The following UNC13B variants were observed in gnomAD, a reference collection of about 807,000 sequenced individuals.
UNC13B encodes protein unc-13 homolog B.
In UNC13B, 144 loss-of-function variants were observed where a neutral mutation model predicts 211.0. The observed-to-expected ratio is 0.68, with a 90% CI of 0.60 to 0.78. The LOEUF is 0.78. Ranked by LOEUF, UNC13B falls within the 30% of genes least tolerant of loss-of-function variation. UNC13B has a pLI of 0.00. For synonymous variants in UNC13B, 709 were observed against 725.8 expected, an observed-to-expected ratio of 0.98 and a Z score of 0.37; for missense variants, 1,777 against 2,002.0, an observed-to-expected ratio of 0.89 and a Z score of 2.14.
intron 1 of UNC13B, among the ~76,000 whole-genome samples, chr9:35,184,767 AG>A (rs1822251100): frequency 8.2e-6 from 1 of 122,212 alleles, no homozygotes; most frequent in Non-Finnish European, 1.7e-5. Flanking sequence ...AAAGGAAGGA[AG>A]GAAGGAAGGA....
At position 35,210,084 on chromosome 9, in the gene UNC13B, A is replaced by AT. The variant is rs545937653; in HGVS notation, c.23-17922dup. Reference sequence around the variant, plus strand: ...ATAATACCCAGTTACTAAAAAAAAAATTTTTTTTTCCTTCTAGAAAGCATT... The same window carrying AT: ...ATAATACCCAGTTACTAAAAAAAAAATTTTTTTTTTCCTTCTAGAAAGCATT... On this transcript the variant is annotated intron_variant, in intron 1 of 39. Coordinates refer to ENST00000635942, the MANE Select transcript of UNC13B (RefSeq NM_001371189.2). Among the ~76,000 whole-genome samples the AT allele has an allele frequency of 8.0e-4, 122 of 151,684 alleles. 2 individuals are homozygous for AT. The South Asian group carries it at 0.019, about 24-fold the overall frequency.
intron 29 of UNC13B, 22 bp from the exon 30 acceptor site, chr9:35,397,613 C>A (rs750908429): frequency 9.3e-6 from 15 of 1,606,340 alleles, no homozygotes; most frequent in South Asian, 1.1e-5. Context: ...CTTTCCTTTT[C>A]TTTCCTTTCT....
intron 3 of UNC13B, among the ~76,000 whole-genome samples, chr9:35,234,783 C>T (rs1463942404): frequency 6.6e-6 from 1 of 152,158 alleles, no homozygotes; most frequent in African/African-American, 2.4e-5. Context: ...GACAAATTTT[C>T]TTTGCTTTAT....
chr9:35,327,864 C>T (rs1831108389), intron 11 of UNC13B, among the ~76,000 whole-genome samples: 1 of 152,178 alleles, frequency 6.6e-6, no homozygotes, highest in African/African-American at 2.4e-5. Flanking sequence ...TTCTGTTTCT[C>T]TAATATACGC....
chr9:35,254,186 G>C (rs1194759820), intron 6 of UNC13B, among the ~76,000 whole-genome samples: 1 of 152,186 alleles, frequency 6.6e-6, no homozygotes, highest in Admixed American at 6.5e-5. Context: ...ATATAGTTGA[G>C]TATTAGAAGG....
At chr9:35,255,032 AAT>A (rs1290730265) in intron 6 of UNC13B, among the ~76,000 whole-genome samples, 93 of 119,368 alleles carry the variant, frequency 7.8e-4, no homozygotes, top group Middle Eastern at 3.7e-3. Context: ...TATATAATAT[AAT>A]ATATATTATA....
At chr9:35,328,565 A>G (rs1299510590) in intron 11 of UNC13B, among the ~76,000 whole-genome samples, 1 of 151,702 alleles carries the variant, frequency 6.6e-6, no homozygotes, top group Non-Finnish European at 1.5e-5. Context: ...AAAGGAAAAA[A>G]CCAGAGTGCC....
At chr9:35,208,621 G>A (rs1823795916) in intron 1 of UNC13B, among the ~76,000 whole-genome samples, 1 of 152,140 alleles carries the variant, frequency 6.6e-6, no homozygotes, top group African/African-American at 2.4e-5. Context: ...AGCAAGAGTG[G>A]GGAGGTGCTA....
chr9:35,323,156 C>G (rs1830826512), intron 11 of UNC13B, among the ~76,000 whole-genome samples: 1 of 151,686 alleles, frequency 6.6e-6, no homozygotes, highest in Non-Finnish European at 1.5e-5. Flanking sequence ...TGCCCCAAAA[C>G]TTGTATGTGT....
chr9:35,203,405 T>C (rs980901300), intron 1 of UNC13B, among the ~76,000 whole-genome samples: 5 of 152,218 alleles, frequency 3.3e-5, no homozygotes, highest in African/African-American at 1.2e-4. Context: ...TTATTTCTCC[T>C]TCACTTATGA....
In UNC13B at chr9:35,400,363, C is replaced by G. The variant is rs761421583; in HGVS notation, c.12404C>G (p.Ser4135Cys). 2.5e-6 allele frequency: 4 copies of G among 1,614,192 alleles called. No individual in the cohort carries two copies. The Admixed American group carries it at 5.0e-5, about 20-fold the overall frequency. Reference sequence around the variant, plus strand: ...CTGGAGAAGAGCCCAGATCTGCAGTCTCTACGCTATGCCCTGTCTCTGTAC... The same window carrying G: ...CTGGAGAAGAGCCCAGATCTGCAGTGTCTACGCTATGCCCTGTCTCTGTAC... ...TFLEKSPDLQSLRYALSLYTQ... is the reference protein window; with the variant it reads ...TFLEKSPDLQCLRYALSLYTQ... The change falls in exon 37 of 40, where the codon TCT becomes TGT. Residue 4135 changes from serine (S) to cysteine (C), a missense_variant. By Grantham distance (112) the Ser-to-Cys change is moderately radical. Transcript: ENST00000635942.
At chr9:35,289,907 C>T (rs2131770907) in intron 7 of UNC13B, among the ~76,000 whole-genome samples, 1 of 152,194 alleles carries the variant, frequency 6.6e-6, no homozygotes, top group East Asian at 1.9e-4. Context: ...AACCTGGGGA[C>T]AGAGGTTGCA....
intron 11 of UNC13B, among the ~76,000 whole-genome samples, chr9:35,365,413 G>T (rs1477365937): frequency 6.6e-6 from 1 of 152,198 alleles, no homozygotes; most frequent in East Asian, 1.9e-4. Flanking sequence ...AAATGTGCAT[G>T]ATCTGAGCCA....
At position 35,303,272 on chromosome 9, in the gene UNC13B, A is replaced by G. The variant is rs1028615492; in HGVS notation, c.3868A>G (p.Ile1290Val). 1 of 398,406 alleles carries G rather than the reference A, an allele frequency of 2.5e-6. No homozygotes were observed. The highest frequency in any genetic ancestry group is 2.1e-5 in the African/African-American group (1 of 48,628). 24.7% of individuals were successfully genotyped at this position (398,406 alleles called of 1,614,324 possible). A position where few individuals can be genotyped will look rare whatever the true frequency, so the allele number is the denominator to read the frequency against. The change falls in exon 9 of 40, where the codon ATT (isoleucine) becomes GTT (valine). Residue 1290 changes from isoleucine to valine, a missense_variant. Coordinates refer to ENST00000635942, the MANE Select transcript of UNC13B (RefSeq NM_001371189.2). Reference sequence around the variant, plus strand: ...AAAGCATCACCCCTCCTCTGAGAACATTGTACTTCACTGTGCTCCAAGTGC... The same window carrying G: ...AAAGCATCACCCCTCCTCTGAGAACGTTGTACTTCACTGTGCTCCAAGTGC... The part of the protein sequence containing the change: ...SEKHHPSSEN[I>V]VLHCAPSAQL...
At chr9:35,194,204 A>G (rs1188396642) in intron 1 of UNC13B, among the ~76,000 whole-genome samples, 2 of 152,206 alleles carry the variant, frequency 1.3e-5, no homozygotes, top group Admixed American at 6.5e-5. Context: ...CTTGAGCTAT[A>G]TCCCCTACAA....
intron 11 of UNC13B, among the ~76,000 whole-genome samples, chr9:35,336,625 G>A (rs540554256): frequency 1.3e-5 from 2 of 152,194 alleles, no homozygotes; most frequent in Non-Finnish European, 2.9e-5. Flanking sequence ...TCCCACCTCA[G>A]CTTCCCAAGT....
chr9:35,394,488 C>A (rs1835748242), intron 26 of UNC13B, among the ~76,000 whole-genome samples: 1 of 152,110 alleles, frequency 6.6e-6, no homozygotes, highest in Non-Finnish European at 1.5e-5. Context: ...CCCAGCTACT[C>A]AGGAGCCTGA....
intron 11 of UNC13B, among the ~76,000 whole-genome samples, chr9:35,321,220 T>A (rs926536671): frequency 5.9e-5 from 9 of 152,126 alleles, no homozygotes; most frequent in Non-Finnish European, 8.8e-5. Context: ...TCTTGTTTCT[T>A]TCTTTTCTTT....
At chr9:35,370,438 G>A (rs762052170) in intron 13 of UNC13B, 42 bp downstream of exon 13, 1 of 1,592,642 alleles carries the variant, frequency 6.3e-7, no homozygotes, top group South Asian at 1.1e-5. Context: ...GTAGCCTTGG[G>A]GTATCCCCCA....
Sources: gnomAD v4.1 joint callset for allele counts (sites outside exome capture counted in the v4.1 genomes callset) on GRCh38, gnomAD v4.1.1 for gene constraint, MANE v1.5 for transcripts, NCBI Gene and HGNC (gene_info 2026-07-23, HGNC 2026-07-21) for gene names.